Variants in WDR36 observed in about 807,000 individuals in gnomAD.
WDR36 encodes WD repeat domain 36, also known as WD repeat-containing protein 36.
WDR36 carries 63 observed loss-of-function variants against 112.7 expected under a neutral mutation model. The ratio of observed to expected loss-of-function variants is 0.56; its 90% CI spans 0.46 to 0.69. The LOEUF (loss-of-function observed/expected upper bound fraction) is 0.69, where lower values mean the gene tolerates loss of function less well. Among genes scored for constraint, WDR36 ranks in the 30% least tolerant of loss-of-function variants. WDR36 has a pLI of 0.00. For missense variants in WDR36, 1,226 were observed against 1,070.3 expected (o/e 1.15, Z -2.03); for synonymous variants, 410 against 362.2 (o/e 1.13, Z -1.50).
At position 111,102,367 on chromosome 5, in the gene WDR36, G is replaced by C. The variant is rs1416138003; in HGVS notation, c.565G>C (p.Gly189Arg). The change falls in exon 6 of 23, where the codon GGA (glycine) becomes CGA (arginine). Residue 189 changes from glycine to arginine, a missense_variant. Gly to Arg is a moderately radical substitution (Grantham distance 125). Transcript: ENST00000513710. Reference protein sequence around the residue: ...KSNKLLYTFPGWKVGVTALQQ... With the variant: ...KSNKLLYTFPRWKVGVTALQQ... ...TAGTAAACTTCTATATACATTTCCA[G>C]GATGGAAAGTTGGAGTGACAGCTCT... 4 of 1,610,014 alleles carry C rather than the reference G, an allele frequency of 2.5e-6. No homozygotes were observed. In the South Asian group the frequency reaches 4.4e-5, roughly 18 times the overall value.
chr5:111,107,791 C>T (rs770168955), intron 12 of WDR36, among the ~76,000 whole-genome samples: 3 of 151,258 alleles, frequency 2.0e-5, no homozygotes, highest in African/African-American at 7.3e-5. Flanking sequence ...AGTCATTTGA[C>T]CATGTATGTA....
intron 1 of WDR36, 30 bp from the exon 2 acceptor site, chr5:111,094,890 A>G: frequency 6.4e-7 from 1 of 1,558,764 alleles, no homozygotes; most frequent in Non-Finnish European, 8.8e-7. Context: ...TTTGTTAATG[A>G]AAATTTAACC....
chr5:111,121,244 A>T, intron 19 of WDR36, 103 bp downstream of exon 19: 1 of 1,234,844 alleles, frequency 8.1e-7, no homozygotes, highest in South Asian at 1.2e-5. Context: ...TTAGAAGAGC[A>T]ATTAATATGT....
rs900082097 is a variant in WDR36 at position 111,116,047 on chromosome 5, A to G, written c.1796+2894A>G. ...AACCACCGTCTCCCAGGTTCAAGCA[A>G]TTCTCCTGCCTCAGCTTCCCGAGCA... On this transcript the variant is annotated intron_variant, in intron 16 of 22. Coordinates refer to ENST00000513710, the MANE Select transcript of WDR36 (RefSeq NM_139281.3). Among the ~76,000 whole-genome samples, 5 of 151,784 alleles carry G rather than the reference A, an allele frequency of 3.3e-5. No individual in the cohort carries two copies. In the South Asian group the frequency reaches 1.0e-3, roughly 32 times the overall value.
chr5:111,118,000 A>G (rs1056455171), intron 16 of WDR36, among the ~76,000 whole-genome samples: 1 of 152,158 alleles, frequency 6.6e-6, no homozygotes, highest in Non-Finnish European at 1.5e-5. Context: ...GATGATTACT[A>G]CCATACTGTC....
Position 111,107,568 on chromosome 5 carries a change from C to T in WDR36, c.1326+129C>T, listed in dbSNP as rs961620645. ...TTTAACATTTTAAAGCATTGCATAA[C>T]CCAAAGCCACAAAAATTTGCTCCTG... On this transcript the variant is annotated intron_variant, in intron 12 of 22. Coordinates refer to ENST00000513710, the MANE Select transcript of WDR36 (RefSeq NM_139281.3). 15 of 1,225,640 alleles carry T rather than the reference C, an allele frequency of 1.2e-5. No homozygotes were observed. The East Asian group carries it at 2.0e-4, about 17-fold the overall frequency. 75.9% of individuals were successfully genotyped at this position (1,225,640 alleles called of 1,614,324 possible). A position where few individuals can be genotyped will look rare whatever the true frequency, so the allele number is the denominator to read the frequency against.
intron 3 of WDR36, among the ~76,000 whole-genome samples, chr5:111,098,032 A>G (rs1383883963): frequency 6.6e-6 from 1 of 152,212 alleles, no homozygotes; most frequent in Non-Finnish European, 1.5e-5. Context: ...TGTATAACCT[A>G]TATGTGGTTC....
chr5:111,107,613 A>G (rs918007705), intron 12 of WDR36, among the ~76,000 whole-genome samples, 174 bp downstream of exon 12: 2 of 151,400 alleles, frequency 1.3e-5, no homozygotes, highest in African/African-American at 2.4e-5. Flanking sequence ...AGAGTTTTCT[A>G]GTTTTAGCTC....
intron 9 of WDR36, among the ~76,000 whole-genome samples, 193 bp downstream of exon 9, chr5:111,105,010 CCTT>C (rs1382654217): frequency 2.6e-5 from 4 of 151,448 alleles, no homozygotes; most frequent in Non-Finnish European, 4.4e-5. Flanking sequence ...CTTAATGTGT[CCTT>C]CTATTTACTA....
At chr5:111,103,979 G>T (rs770390682) in intron 7 of WDR36, 61 bp downstream of exon 7, 113 of 1,594,428 alleles carry the variant, frequency 7.1e-5, no homozygotes, top group Non-Finnish European at 9.3e-5. Flanking sequence ...TACTTTAAAA[G>T]TCAATTTTTT....
intron 10 of WDR36, among the ~76,000 whole-genome samples, chr5:111,105,699 A>G (rs1166167401): frequency 4.0e-5 from 6 of 151,540 alleles, no homozygotes; most frequent in Admixed American, 6.6e-5. Flanking sequence ...GTGGCATCCA[A>G]TATTTTTGCT....
intron 4 of WDR36, among the ~76,000 whole-genome samples, chr5:111,099,463 GTTTTTTTT>G (rs67437234): frequency 1.2e-5 from 1 of 84,970 alleles, no homozygotes; most frequent in African/African-American, 4.5e-5. Flanking sequence ...TTTTTTTTTT[GTTTTTTTT>G]TTTTTTTTTT....
In WDR36 at chr5:111,113,081, G is replaced by A; in HGVS notation, c.1724G>A (p.Ser575Asn). 3 of 1,416,162 alleles carry A rather than the reference G, an allele frequency of 2.1e-6. No individual in the cohort carries two copies. Among genetic ancestry groups the A allele is most frequent in the Non-Finnish European group, 2.8e-6 (3 of 1,072,812 alleles). 87.7% of individuals were successfully genotyped at this position (1,416,162 alleles called of 1,614,324 possible). Residue 575 changes from serine to asparagine, a missense_variant, in exon 16 of 23, where the codon AGT becomes AAT. Ser to Asn is a conservative substitution (Grantham distance 46, BLOSUM62 1). Transcript: ENST00000513710. The part of the protein sequence containing the change: ...HQGQINDMAF[S>N]PDGRWLISAA... ...TTTTTTTTTAATTTAAAGGCTTTTA[G>A]TCCTGATGGTCGTTGGTTAATAAGT...
chr5:111,102,752 T>G (rs1159591487), intron 6 of WDR36, among the ~76,000 whole-genome samples: 1 of 151,632 alleles, frequency 6.6e-6, no homozygotes, highest in African/African-American at 2.4e-5. Context: ...GTAGAGAAAT[T>G]TGTCAAGATG....
At chr5:111,110,756 A>ATTTTTTTTTTTTTT in intron 13 of WDR36, 32 bp from the exon 14 acceptor site, 1 of 1,518,068 alleles carries the variant, frequency 6.6e-7, no homozygotes. Flanking sequence ...GCCAATTCTG[A>ATTTTTTTTTTTTTT]TTTTTTTTTT....
chr5:111,110,106 G>T, intron 12 of WDR36, 83 bp from the exon 13 acceptor site: 1 of 898,570 alleles, frequency 1.1e-6, no homozygotes. Context: ...AAAGGAACAA[G>T]TAGATAAAAA....
intron 22 of WDR36, among the ~76,000 whole-genome samples, chr5:111,126,335 AG>A (rs2112594195): frequency 6.6e-6 from 1 of 152,154 alleles, no homozygotes; most frequent in South Asian, 2.1e-4. Flanking sequence ...TGATTAATAT[AG>A]TGGTGAACTC....
At chr5:111,108,587 GT>G (rs1011024630) in intron 12 of WDR36, among the ~76,000 whole-genome samples, 1 of 151,378 alleles carries the variant, frequency 6.6e-6, no homozygotes, top group African/African-American at 2.4e-5. Context: ...AATAATGGTT[GT>G]AATAGTAGTG....
At chr5:111,105,962 C>T in intron 10 of WDR36, 95 bp from the exon 11 acceptor site, 2 of 945,382 alleles carry the variant, frequency 2.1e-6, no homozygotes, top group Non-Finnish European at 3.4e-6. Context: ...ATATCTTGTA[C>T]TTTATAGTTA....
Sources: gnomAD v4.1 joint callset for allele counts (sites outside exome capture counted in the v4.1 genomes callset) on GRCh38, gnomAD v4.1.1 for gene constraint, MANE v1.5 for transcripts, NCBI Gene and HGNC (gene_info 2026-07-23, HGNC 2026-07-21) for gene names.